CFAP61: variants seen among roughly 807,000 people sequenced by gnomAD.
CFAP61 encodes cilia- and flagella-associated protein 61.
CFAP61 carries 107 observed loss-of-function variants against 135.6 expected under a neutral mutation model. That is an observed-to-expected ratio of 0.79 (90% confidence interval 0.67 to 0.93). The LOEUF (loss-of-function observed/expected upper bound fraction) is 0.93, where lower values mean the gene tolerates loss of function less well. Ranked by LOEUF, CFAP61 falls within the 40% of genes least tolerant of loss-of-function variation. The pLI, the probability that CFAP61 is intolerant of heterozygous loss-of-function variation, is 0.00. For synonymous variants in CFAP61, 575 were observed against 578.5 expected, an observed-to-expected ratio of 0.99 and a Z score of 0.09; for missense variants, 1,507 against 1,556.2, an observed-to-expected ratio of 0.97 and a Z score of 0.53.
At chr20:20,159,279 G>T (rs2053203545) in intron 9 of CFAP61, 91 bp from the exon 10 acceptor site, 1 of 1,174,922 alleles carries the variant, frequency 8.5e-7, no homozygotes, top group South Asian at 1.2e-5. Flanking sequence ...GTAGAGCCAG[G>T]GTCTGAACCC....
intron 15 of CFAP61, among the ~76,000 whole-genome samples, chr20:20,195,583 G>T (rs151252330): frequency 4.0e-5 from 6 of 151,612 alleles, no homozygotes; most frequent in African/African-American, 1.4e-4. Flanking sequence ...GGGGACAGAG[G>T]GGGGACCAGA....
At chr20:20,322,168 G>C (rs2057549282) in intron 25 of CFAP61, among the ~76,000 whole-genome samples, 1 of 152,166 alleles carries the variant, frequency 6.6e-6, no homozygotes, top group South Asian at 2.1e-4. Context: ...ACAGTCATCT[G>C]AGTGGCCCCC....
intron 21 of CFAP61, among the ~76,000 whole-genome samples, chr20:20,269,188 CATATATACAT>C (rs2053108301): frequency 3.0e-5 from 4 of 131,150 alleles, no homozygotes; most frequent in African/African-American, 2.8e-5. Flanking sequence ...TATACACACA[CATATATACAT>C]ATATGTATAT....
chr20:20,060,072 A>AG (rs1182123455), intron 2 of CFAP61, among the ~76,000 whole-genome samples: 1 of 62,346 alleles, frequency 1.6e-5, no homozygotes, highest in Non-Finnish European at 2.8e-5. Flanking sequence ...AAAATAACAG[A>AG]GGGGGAAAAA....
intron 25 of CFAP61, among the ~76,000 whole-genome samples, chr20:20,332,761 C>T (rs909204160): frequency 1.3e-5 from 2 of 152,076 alleles, no homozygotes; most frequent in Non-Finnish European, 2.9e-5. Context: ...ACTACAGGCA[C>T]GCACCACCAC....
intron 8 of CFAP61, among the ~76,000 whole-genome samples, chr20:20,124,489 G>T (rs2049922228): frequency 6.6e-6 from 1 of 151,842 alleles, no homozygotes; most frequent in East Asian, 1.9e-4. Context: ...TGCATCTATT[G>T]AGATGATTGT....
chr20:20,344,875 A>G (rs1338757444), intron 26 of CFAP61, among the ~76,000 whole-genome samples: 2 of 151,428 alleles, frequency 1.3e-5, no homozygotes, highest in Non-Finnish European at 2.9e-5. Flanking sequence ...TGAATGGATA[A>G]AAAAAAAATG....
chr20:20,304,899 C>T (rs890402931), intron 25 of CFAP61, among the ~76,000 whole-genome samples: 1 of 152,134 alleles, frequency 6.6e-6, no homozygotes, highest in Non-Finnish European at 1.5e-5. Context: ...TATCGATGAC[C>T]CTGCAAAAGA....
intron 21 of CFAP61, among the ~76,000 whole-genome samples, chr20:20,274,232 G>A (rs759202658): frequency 1.2e-4 from 18 of 152,204 alleles, no homozygotes; most frequent in Admixed American, 6.5e-5. Context: ...GCCTGGCATA[G>A]AGGAGTACAG....
chr20:20,183,854 G>A (rs2055299949), intron 13 of CFAP61, among the ~76,000 whole-genome samples: 1 of 152,026 alleles, frequency 6.6e-6, no homozygotes, highest in South Asian at 2.1e-4. Context: ...TTTAGAGGAG[G>A]GCACAAACAT....
chr20:20,241,624 CTT>C (rs2050018825), intron 18 of CFAP61, among the ~76,000 whole-genome samples: 1 of 152,090 alleles, frequency 6.6e-6, no homozygotes, highest in Non-Finnish European at 1.5e-5. Flanking sequence ...AATGGACAGT[CTT>C]TGTAGTGAAA....
intron 25 of CFAP61, among the ~76,000 whole-genome samples, chr20:20,338,872 G>A (rs1013575957): frequency 6.6e-5 from 10 of 152,162 alleles, no homozygotes; most frequent in Non-Finnish European, 8.8e-5. Context: ...GGACTATATC[G>A]ACCAGAAATG....
chr20:20,152,698 C>T (rs1176132498), intron 9 of CFAP61, among the ~76,000 whole-genome samples: 1 of 152,128 alleles, frequency 6.6e-6, no homozygotes, highest in Non-Finnish European at 1.5e-5. Flanking sequence ...ATGCACCTAA[C>T]ATGGTAGCTC....
At chr20:20,334,986 C>G (rs749676564) in intron 25 of CFAP61, among the ~76,000 whole-genome samples, 7 of 152,190 alleles carry the variant, frequency 4.6e-5, no homozygotes, top group Non-Finnish European at 8.8e-5. Context: ...GAAAATTGTA[C>G]TGAAATGCAT....
intron 15 of CFAP61, among the ~76,000 whole-genome samples, chr20:20,193,479 A>C (rs767197815): frequency 6.6e-6 from 1 of 151,208 alleles, no homozygotes; most frequent in Non-Finnish European, 1.5e-5. Flanking sequence ...TATTTCTTGG[A>C]GTTAGTTAAT....
intron 26 of CFAP61, among the ~76,000 whole-genome samples, chr20:20,352,992 A>G (rs2058898444): frequency 6.6e-6 from 1 of 152,222 alleles, no homozygotes; most frequent in African/African-American, 2.4e-5. Flanking sequence ...ACAGGCAACT[A>G]TATAACTCAC....
intron 8 of CFAP61, among the ~76,000 whole-genome samples, chr20:20,138,988 T>C (rs2051153071): frequency 6.6e-6 from 1 of 152,212 alleles, no homozygotes; most frequent in African/African-American, 2.4e-5. Flanking sequence ...GGCTCTCTTT[T>C]TGTTCATCTT....
chr20:20,135,451 C>G (rs1423502060), intron 8 of CFAP61, among the ~76,000 whole-genome samples: 2 of 152,314 alleles, frequency 1.3e-5, no homozygotes, highest in Non-Finnish European at 2.9e-5. Flanking sequence ...GACTTACTCA[C>G]TCTTCAGAAA....
chr20:20,251,505 AC>A (rs1382746036), intron 19 of CFAP61, 89 bp from the exon 20 acceptor site: 1 of 1,252,968 alleles, frequency 8.0e-7, no homozygotes, highest in Non-Finnish European at 1.1e-6. Flanking sequence ...GACTCAGCCC[AC>A]TAGGGGACTT....
Sources: gnomAD v4.1 joint callset for allele counts (sites outside exome capture counted in the v4.1 genomes callset) on GRCh38, gnomAD v4.1.1 for gene constraint, MANE v1.5 for transcripts, NCBI Gene and HGNC (gene_info 2026-07-23, HGNC 2026-07-21) for gene names.